Variants in ZMAT3 observed in about 807,000 individuals in gnomAD.
The protein encoded by ZMAT3 is zinc finger matrin-type protein 3.
ZMAT3 carries 17 observed loss-of-function variants against 32.3 expected under a neutral mutation model. The observed-to-expected ratio is 0.53, with a 90% CI of 0.36 to 0.79. The LOEUF (loss-of-function observed/expected upper bound fraction) is 0.79, where lower values mean the gene tolerates loss of function less well. Ranked by LOEUF, ZMAT3 falls within the 30% of genes least tolerant of loss-of-function variation. ZMAT3 has a pLI of 0.00. For synonymous variants in ZMAT3, 120 were observed against 133.1 expected (o/e 0.90, Z 0.68); for missense variants, 329 against 359.7 (o/e 0.91, Z 0.69).
intron 1 of ZMAT3, among the ~76,000 whole-genome samples, chr3:179,068,341 G>A (rs536231476): frequency 1.2e-4 from 18 of 152,060 alleles, no homozygotes; most frequent in Admixed American, 3.9e-4. Flanking sequence ...GTGAAACCCC[G>A]TCTCTACTAA....
chr3:179,040,251 G>T (rs907984441), intron 2 of ZMAT3, among the ~76,000 whole-genome samples: 3 of 152,138 alleles, frequency 2.0e-5, no homozygotes, highest in Non-Finnish European at 4.4e-5. Context: ...GATACTCCTT[G>T]GGAAGAGCAA....
In ZMAT3 at chr3:179,019,221, T is replaced by C. The variant is rs1388138288; in HGVS notation, c.*5796A>G. ...AACTTGTGTTTGAAAGGAATTGTCCTCCCTCACCCTAAGTACACACAAAAA... is the reference window on the plus strand; with the variant it reads ...AACTTGTGTTTGAAAGGAATTGTCCCCCCTCACCCTAAGTACACACAAAAA... On this transcript the variant is annotated 3_prime_UTR_variant, in exon 6 of 6. Transcript: ENST00000311417. 1 of 151,456 alleles carries C rather than the reference T, an allele frequency of 6.6e-6. No homozygotes were observed. The highest frequency in any genetic ancestry group is 1.5e-5 in the Non-Finnish European group (1 of 67,882). 9.4% of individuals were successfully genotyped at this position (151,456 alleles called of 1,614,324 possible).
At chr3:179,067,458 G>T in intron 2 of ZMAT3, 25 bp downstream of exon 2, 1 of 1,610,246 alleles carries the variant, frequency 6.2e-7, no homozygotes, top group Non-Finnish European at 8.5e-7. Flanking sequence ...CCTACTCAAT[G>T]CCTGGTTTTC....
chr3:179,047,858 CAA>C (rs954568510), intron 2 of ZMAT3, among the ~76,000 whole-genome samples: 1 of 125,540 alleles, frequency 8.0e-6, no homozygotes, highest in Admixed American at 7.8e-5. Flanking sequence ...GACTCAGTCT[CAA>C]AAAAAAAAGG....
At chr3:179,037,057 T>C (rs1180317308) in intron 2 of ZMAT3, among the ~76,000 whole-genome samples, 4 of 152,194 alleles carry the variant, frequency 2.6e-5, no homozygotes, top group Admixed American at 6.5e-5. Flanking sequence ...GCCCCCTCTC[T>C]GCTGAGAGCT....
At chr3:179,034,546 T>C (rs573757852) in intron 2 of ZMAT3, among the ~76,000 whole-genome samples, 1 of 152,328 alleles carries the variant, frequency 6.6e-6, no homozygotes, top group African/African-American at 2.4e-5. Flanking sequence ...GACCTATAGC[T>C]TTCAAATACC....
At chr3:179,048,788 A>C (rs910107055) in intron 2 of ZMAT3, among the ~76,000 whole-genome samples, 2 of 152,080 alleles carry the variant, frequency 1.3e-5, no homozygotes, top group African/African-American at 4.8e-5. Flanking sequence ...AAAAAAAAAA[A>C]AAACAGCACA....
upstream of ZMAT3, chr3:179,072,232 A>C (rs918525116): frequency 6.6e-6 from 1 of 152,506 alleles, no homozygotes; most frequent in Non-Finnish European, 1.5e-5. Context: ...AACTGCTGCA[A>C]CAGAACCTTT....
rs2108564324 is a variant in ZMAT3 at position 179,046,916 on chromosome 3, C to A, written c.271-15917G>T. ...GCCCCAACCCGATGGTCTTCTCTACCCACACTGGTGGCCGAAGACAAAGGA... is the reference window on the plus strand; with the variant it reads ...GCCCCAACCCGATGGTCTTCTCTACACACACTGGTGGCCGAAGACAAAGGA... On this transcript the variant is annotated intron_variant, in intron 2 of 5. Transcript: ENST00000311417. The surrounding 1 kb of genome is among the most constrained non-coding windows in gnomAD (Gnocchi z 4.3). 6.6e-6 allele frequency among the ~76,000 whole-genome samples: 1 copy of A among 152,292 alleles called. No homozygotes were observed. Among genetic ancestry groups the A allele is most frequent in the Admixed American group, 6.5e-5 (1 of 15,298 alleles).
rs892290444 is a variant in ZMAT3, at chr3:179,024,860, G to A, written c.*157C>T. ...CCACCTCCCCCCGCCCCGCCCCCGGGCCCCCAGGTTTTGACATCTCATGGT... is the reference window on the plus strand; with the variant it reads ...CCACCTCCCCCCGCCCCGCCCCCGGACCCCCAGGTTTTGACATCTCATGGT... On this transcript the variant is annotated 3_prime_UTR_variant, in exon 6 of 6. Coordinates refer to ENST00000311417, the MANE Select transcript of ZMAT3 (RefSeq NM_022470.4). The A allele has an allele frequency of 4.3e-5, 24 of 562,798 alleles. No homozygotes were observed. Among genetic ancestry groups the A allele is most frequent in the South Asian group, 2.4e-4 (13 of 53,746 alleles). 34.9% of individuals were successfully genotyped at this position (562,798 alleles called of 1,614,324 possible). A position where few individuals can be genotyped will look rare whatever the true frequency, so the allele number is the denominator to read the frequency against.
chr3:179,052,956 C>T (rs1377771091), intron 2 of ZMAT3, among the ~76,000 whole-genome samples: 1 of 151,820 alleles, frequency 6.6e-6, no homozygotes. Flanking sequence ...GGTGAAACCC[C>T]GTCTCTACTA....
intron 3 of ZMAT3, among the ~76,000 whole-genome samples, chr3:179,029,174 A>G (rs1242476294): frequency 1.3e-5 from 2 of 151,930 alleles, no homozygotes; most frequent in Non-Finnish European, 2.9e-5. Flanking sequence ...AAAAAAAAAA[A>G]GAAAGAAATT....
At chr3:179,065,866 A>C (rs906103510) in intron 2 of ZMAT3, among the ~76,000 whole-genome samples, 5 of 152,204 alleles carry the variant, frequency 3.3e-5, no homozygotes, top group Non-Finnish European at 7.3e-5. Flanking sequence ...AGATCGCGCC[A>C]CTGCACTCCA....
Position 179,046,909 on chromosome 3 carries a change from T to C in ZMAT3, c.271-15910A>G, listed in dbSNP as rs1412476551. On this transcript the variant is annotated intron_variant, in intron 2 of 5. Transcript: ENST00000311417. This position sits in a 1 kb window ranked among gnomAD's most constrained non-coding sequence, Gnocchi z 4.3. ...TAACCCTGCCCCAACCCGATGGTCT[T>C]CTCTACCCACACTGGTGGCCGAAGA... is the stretch of plus-strand genomic sequence containing the variant. Among the ~76,000 whole-genome samples, 1 of 152,102 alleles carries C rather than the reference T, an allele frequency of 6.6e-6. No individual in the cohort carries two copies. The highest frequency in any genetic ancestry group is 1.9e-4 in the East Asian group (1 of 5,180).
rs758920143 is a variant in ZMAT3 at position 179,067,766 on chromosome 3, C to G, written c.-14G>C. On this transcript the variant is annotated 5_prime_UTR_variant, in exon 2 of 6. Transcript: ENST00000311417. ...CAAGAGGATCATTGGGTAGGGAAGC[C>G]TGGGGCATAATCCAGTGGGTGATGA... 3.1e-6 allele frequency: 5 copies of G among 1,612,770 alleles called. No homozygotes were observed. In the Admixed American group the frequency reaches 8.3e-5, roughly 27 times the overall value.
At chr3:179,045,138 A>G (rs1055843549) in intron 2 of ZMAT3, among the ~76,000 whole-genome samples, 2 of 152,148 alleles carry the variant, frequency 1.3e-5, no homozygotes, top group Non-Finnish European at 2.9e-5. Context: ...AGACACTACA[A>G]TATCAAGTGT....
In ZMAT3 at chr3:179,030,894, G is replaced by C; in HGVS notation, c.376C>G (p.Pro126Ala). 1 of 1,613,546 alleles carries C rather than the reference G, an allele frequency of 6.2e-7. No individual in the cohort carries two copies. Among genetic ancestry groups the C allele is most frequent in the Non-Finnish European group, 8.5e-7 (1 of 1,179,724 alleles). The change falls in exon 3 of 6, where the codon CCA (proline) becomes GCA (alanine). Residue 126 changes from proline (P) to alanine (A), a missense_variant. Pro to Ala is a conservative substitution (Grantham distance 27). Coordinates refer to ENST00000311417, the MANE Select transcript of ZMAT3 (RefSeq NM_022470.4). Reference sequence around the variant, plus strand: ...ACATGTCTCACCTGCGGAGGGACTGGAACAACTGGAGTAGCTGCAGGCTCG... The same window carrying C: ...ACATGTCTCACCTGCGGAGGGACTGCAACAACTGGAGTAGCTGCAGGCTCG... ...VVEPAATPVV[P>A]VPPQMGSFKP... is the part of the protein sequence containing the mutation.
chr3:179,068,728 G>A (rs1158139010), intron 1 of ZMAT3, among the ~76,000 whole-genome samples: 1 of 152,212 alleles, frequency 6.6e-6, no homozygotes, highest in Non-Finnish European at 1.5e-5. Flanking sequence ...AAGTAGTTGA[G>A]CAAATGTATA....
At chr3:179,033,047 G>A (rs911968009) in intron 2 of ZMAT3, among the ~76,000 whole-genome samples, 2 of 152,244 alleles carry the variant, frequency 1.3e-5, no homozygotes, top group African/African-American at 4.8e-5. Context: ...GAATAGAAAA[G>A]GGGGAAGTGT....
Sources: allele counts gnomAD v4.1 joint callset (sites outside exome capture counted in the v4.1 genomes callset), GRCh38; gene constraint gnomAD v4.1.1; non-coding constraint Gnocchi (gnomAD v3.1); transcripts MANE v1.5; gene names NCBI Gene and HGNC (gene_info 2026-07-23, HGNC 2026-07-21).